The following NRXN3 variants were observed in gnomAD, a reference collection of about 807,000 sequenced individuals.
NRXN3 encodes neurexin III.
NRXN3 carries 32 observed loss-of-function variants against 137.6 expected under a neutral mutation model. The observed-to-expected ratio is 0.23, with a 90% CI of 0.18 to 0.31. The LOEUF is 0.31. NRXN3 is among the 10% of genes least tolerant of loss of function. The pLI is 1.00. For synonymous variants in NRXN3, 798 were observed against 784.5 expected (o/e 1.02, Z -0.29); for missense variants, 1,574 against 2,062.5 (o/e 0.76, Z 4.59).
At chr14:79,234,288 T>C (rs1367601956) in intron 15 of NRXN3, among the ~76,000 whole-genome samples, 1 of 55,678 alleles carries the variant, frequency 1.8e-5, no homozygotes, top group Admixed American at 2.9e-4. Flanking sequence ...ACATATTCAA[T>C]GGTAAATATA....
intron 13 of NRXN3, among the ~76,000 whole-genome samples, chr14:78,967,944 G>T (rs2099424429): frequency 6.7e-6 from 1 of 148,996 alleles, no homozygotes; most frequent in African/African-American, 2.5e-5. Context: ...CATCTATGAT[G>T]AATAAATTTT....
chr14:79,314,646 T>C (rs548883701), intron 15 of NRXN3, among the ~76,000 whole-genome samples: 77 of 126,622 alleles, frequency 6.1e-4, no homozygotes, highest in East Asian at 1.2e-3. Flanking sequence ...CAGTAACCTC[T>C]GCAGACTTAA....
At chr14:79,326,295 ATACTGCT>A (rs2090855975) in intron 15 of NRXN3, among the ~76,000 whole-genome samples, 1 of 152,148 alleles carries the variant, frequency 6.6e-6, no homozygotes, top group Admixed American at 6.5e-5. Flanking sequence ...CATATTAACA[ATACTGCT>A]TACTGGGTGC....
At chr14:78,836,955 G>C (rs566601974) in intron 10 of NRXN3, among the ~76,000 whole-genome samples, 1 of 152,130 alleles carries the variant, frequency 6.6e-6, no homozygotes, top group Admixed American at 6.5e-5. Flanking sequence ...GCCACAAGGA[G>C]TATCAGTTGC....
intron 15 of NRXN3, among the ~76,000 whole-genome samples, chr14:79,051,803 A>G (rs373001107): frequency 1.3e-5 from 2 of 152,182 alleles, no homozygotes; most frequent in African/African-American, 4.8e-5. Flanking sequence ...TACCTGGAAG[A>G]GGGGAAGCAA....
chr14:79,593,461 T>G (rs1310800599), intron 16 of NRXN3, among the ~76,000 whole-genome samples: 1 of 151,766 alleles, frequency 6.6e-6, no homozygotes. Flanking sequence ...AAGCCCTGTC[T>G]CTACTAAAAA....
chr14:78,730,791 G>C (rs1235122246), intron 8 of NRXN3, among the ~76,000 whole-genome samples: 1 of 152,196 alleles, frequency 6.6e-6, no homozygotes, highest in Non-Finnish European at 1.5e-5. Context: ...GAATGCAGAA[G>C]AGTGCACTGG....
chr14:78,173,709 CTTTTT>C (rs10638142), intron 1 of NRXN3, among the ~76,000 whole-genome samples: 2 of 69,358 alleles, frequency 2.9e-5, no homozygotes, highest in Admixed American at 2.2e-4. Flanking sequence ...TTTTTCCTTG[CTTTTT>C]TTTTTTTTTT....
At chr14:79,128,782 A>G (rs1298548622) in intron 15 of NRXN3, among the ~76,000 whole-genome samples, 1 of 152,080 alleles carries the variant, frequency 6.6e-6, no homozygotes, top group East Asian at 1.9e-4. Flanking sequence ...CTCTGGTAGA[A>G]TTCGGCTGTG....
intron 15 of NRXN3, among the ~76,000 whole-genome samples, chr14:79,213,132 T>A (rs2067948367): frequency 6.6e-6 from 1 of 152,126 alleles, no homozygotes; most frequent in South Asian, 2.1e-4. Context: ...AAATACTCTA[T>A]TTTCTTCCCC....
chr14:78,956,253 C>T (rs2099396603), intron 10 of NRXN3, among the ~76,000 whole-genome samples: 1 of 152,158 alleles, frequency 6.6e-6, no homozygotes, highest in South Asian at 2.1e-4. Context: ...CTGTCTTCTG[C>T]TTCTATGTAA....
At chr14:78,748,656 G>A (rs2098625633) in intron 8 of NRXN3, among the ~76,000 whole-genome samples, 1 of 152,174 alleles carries the variant, frequency 6.6e-6, no homozygotes. Flanking sequence ...AGCGATAAGT[G>A]AACAGATGAG....
intron 4 of NRXN3, among the ~76,000 whole-genome samples, chr14:78,634,888 T>A (rs1175104004): frequency 6.6e-6 from 1 of 152,176 alleles, no homozygotes; most frequent in Non-Finnish European, 1.5e-5. Context: ...TATCAGCCCC[T>A]CATCATTTAT....
At chr14:79,511,846 A>G (rs998014745) in intron 16 of NRXN3, among the ~76,000 whole-genome samples, 11 of 152,198 alleles carry the variant, frequency 7.2e-5, no homozygotes, top group African/African-American at 2.7e-4. Flanking sequence ...TCACCTTTCT[A>G]CAAGTTTGGA....
chr14:78,197,070 A>C (rs1411558767), intron 1 of NRXN3, among the ~76,000 whole-genome samples: 1 of 152,186 alleles, frequency 6.6e-6, no homozygotes, highest in East Asian at 1.9e-4. Flanking sequence ...CCTGCTCCAC[A>C]AACTGGAGCT....
chr14:79,157,390 G>C (rs1226631839), intron 15 of NRXN3, among the ~76,000 whole-genome samples: 1 of 151,786 alleles, frequency 6.6e-6, no homozygotes, highest in Non-Finnish European at 1.5e-5. Flanking sequence ...TGGGGTCACT[G>C]TGGAAACCAG....
chr14:78,655,438 A>C (rs1290064088), intron 6 of NRXN3, among the ~76,000 whole-genome samples: 1 of 152,134 alleles, frequency 6.6e-6, no homozygotes, highest in Non-Finnish European at 1.5e-5. Flanking sequence ...AGGAAAAAAA[A>C]CCCCATCATT....
At chr14:78,742,434 A>G (rs928940946) in intron 8 of NRXN3, among the ~76,000 whole-genome samples, 3 of 152,252 alleles carry the variant, frequency 2.0e-5, no homozygotes, top group Admixed American at 6.5e-5. Flanking sequence ...AGAGAATGTA[A>G]TGATTATAAA....
At chr14:79,059,195 A>G (rs2099670622) in intron 15 of NRXN3, among the ~76,000 whole-genome samples, 1 of 150,578 alleles carries the variant, frequency 6.6e-6, no homozygotes, top group Admixed American at 6.6e-5. Flanking sequence ...TCACCAGCAG[A>G]TCAAAACAAT....
Sources: gnomAD v4.1 joint callset for allele counts (sites outside exome capture counted in the v4.1 genomes callset) on GRCh38, gnomAD v4.1.1 for gene constraint, MANE v1.5 for transcripts, NCBI Gene and HGNC (gene_info 2026-07-23, HGNC 2026-07-21) for gene names.